Variants in MAML2 observed in about 807,000 individuals in gnomAD.
MAML2 encodes mastermind like transcriptional coactivator 2.
A neutral mutation model predicts 96.1 loss-of-function variants in MAML2; 22 were observed. The ratio of observed to expected loss-of-function variants is 0.23; its 90% confidence interval spans 0.16 to 0.33. The LOEUF is 0.33. Ranked by LOEUF, MAML2 falls within the 10% of genes least tolerant of loss-of-function variation. The pLI is 1.00. For missense variants in MAML2, 1,367 were observed against 1,392.4 expected (o/e 0.98, Z 0.29); for synonymous variants, 561 against 521.3 (o/e 1.08, Z -1.04).
intron 1 of MAML2, among the ~76,000 whole-genome samples, chr11:96,146,885 C>T (rs1860830459): frequency 6.6e-6 from 1 of 152,134 alleles, no homozygotes; most frequent in African/African-American, 2.4e-5. Flanking sequence ...TTTTTTAATG[C>T]AGAAGCTCTG....
intron 1 of MAML2, among the ~76,000 whole-genome samples, chr11:96,135,799 G>T (rs1047884312): frequency 3.3e-5 from 5 of 150,860 alleles, no homozygotes; most frequent in African/African-American, 9.8e-5. Context: ...GGAGGTGGAG[G>T]TTGCAGTGAG....
intron 1 of MAML2, among the ~76,000 whole-genome samples, chr11:96,235,873 A>G (rs1378538838): frequency 1.3e-5 from 2 of 152,238 alleles, no homozygotes; most frequent in Non-Finnish European, 2.9e-5. Context: ...GCTGCGGGTT[A>G]GAGCTGGAGA....
chr11:95,999,950 T>G (rs1858055974), intron 2 of MAML2, among the ~76,000 whole-genome samples: 1 of 152,234 alleles, frequency 6.6e-6, no homozygotes, highest in Admixed American at 6.5e-5. Context: ...ACTGCTCAAC[T>G]GTTCCTCTCG....
intron 1 of MAML2, among the ~76,000 whole-genome samples, chr11:96,305,820 G>A (rs1863454395): frequency 1.3e-5 from 2 of 152,142 alleles, no homozygotes; most frequent in Non-Finnish European, 2.9e-5. Flanking sequence ...TGCAAAATAT[G>A]TCCCTCAGAG....
intron 1 of MAML2, among the ~76,000 whole-genome samples, chr11:96,320,327 T>A (rs1057406959): frequency 6.6e-6 from 1 of 152,168 alleles, no homozygotes; most frequent in Non-Finnish European, 1.5e-5. Flanking sequence ...AGGGAGTCAT[T>A]AGACATGAAA....
At chr11:96,217,962 A>G (rs1253046991) in intron 1 of MAML2, among the ~76,000 whole-genome samples, 1 of 152,230 alleles carries the variant, frequency 6.6e-6, no homozygotes, top group African/African-American at 2.4e-5. Context: ...TTATGTCTAA[A>G]TGTGATTTAA....
rs754651578 is a variant in MAML2 at position 96,092,198 on chromosome 11, C to T, written c.1833G>A (p.Gln611=). The T allele has an allele frequency of 3.0e-5, 46 of 1,525,584 alleles. No individual in the cohort carries two copies. Among genetic ancestry groups the T allele is most frequent in the African/African-American group, 1.3e-4 (9 of 67,022 alleles). The allele number at this position is 1,525,584 out of a possible 1,614,324, so 94.5% of individuals were successfully genotyped here. A position where few individuals can be genotyped will look rare whatever the true frequency, so the allele number is the denominator to read the frequency against. The change falls in exon 2 of 5, where the codon CAG becomes CAA. Residue 611 remains glutamine, a synonymous_variant. Coordinates refer to ENST00000524717, the MANE Select transcript of MAML2 (RefSeq NM_032427.4). This position sits in a 1 kb window ranked among gnomAD's most constrained non-coding sequence, Gnocchi z 4.1. The part of the protein sequence containing the change: ...QQQQQQQQQQ[Q]QQQQQQQQQQ... ...GTTGCTGTTGCTGTTGCTGTTGCTG[C>T]TGCTGCTGCTGTTGCTGCTGCTGCT...
chr11:96,114,846 A>G lies in MAML2; in HGVS notation c.514-21329T>C, dbSNP rs150121285. On this transcript the variant is annotated intron_variant, in intron 1 of 4. Transcript: ENST00000524717. ...ACCTGGAATGTGGAACAGAGCCAAG[A>G]ACTCTGATCCCAATAGGCAAAGAAA... 4.0e-3 allele frequency among the ~76,000 whole-genome samples: 606 copies of G among 152,326 alleles called. 7 individuals are homozygous for G. Among genetic ancestry groups the G allele is most frequent in the African/African-American group, 0.014 (572 of 41,572 alleles).
intron 1 of MAML2, among the ~76,000 whole-genome samples, chr11:96,249,908 G>C (rs1018283196): frequency 1.3e-5 from 2 of 152,096 alleles, no homozygotes; most frequent in African/African-American, 4.8e-5. Context: ...CCAAATCTTC[G>C]TATTGGTCTA....
intron 1 of MAML2, among the ~76,000 whole-genome samples, chr11:96,179,716 G>A (rs11021462): frequency 0.12 from 17,895 of 152,256 alleles, 1,294 homozygotes; most frequent in East Asian, 0.24. Context: ...AGGGACCTGG[G>A]AAGCCACCAA....
intron 1 of MAML2, among the ~76,000 whole-genome samples, chr11:96,326,757 T>G (rs1287343699): frequency 6.8e-6 from 1 of 147,202 alleles, no homozygotes; most frequent in African/African-American, 2.7e-5. Context: ...AGAGCAAAAG[T>G]CTGTCAAAGT....
intron 1 of MAML2, among the ~76,000 whole-genome samples, chr11:96,183,904 G>C (rs1429007994): frequency 6.6e-6 from 1 of 152,050 alleles, no homozygotes; most frequent in Non-Finnish European, 1.5e-5. Flanking sequence ...TAATTGAAAT[G>C]AGCATACCCA....
At chr11:96,330,863 G>C (rs907219935) in intron 1 of MAML2, among the ~76,000 whole-genome samples, 1 of 152,198 alleles carries the variant, frequency 6.6e-6, no homozygotes, top group Non-Finnish European at 1.5e-5. Context: ...TGCAAGTCAC[G>C]AGGCCAATCG....
At position 96,342,822 on chromosome 11, in the gene MAML2, A is replaced by T; in HGVS notation, c.-927T>A. 1 of 319,366 alleles carries T rather than the reference A, an allele frequency of 3.1e-6. No homozygotes were observed. The highest frequency in any genetic ancestry group is 5.7e-6 in the Non-Finnish European group (1 of 176,194). The allele number at this position is 319,366 out of a possible 1,614,324, so 19.8% of individuals were successfully genotyped here. On this transcript the variant is annotated 5_prime_UTR_variant, in exon 1 of 5. Transcript: ENST00000524717. ...TTTTTTCTTTCCCGCTTACGTTTCT[A>T]TTCCTCACCCCCGGCTCTATTCTAA...
At chr11:96,309,172 G>A (rs935171030) in intron 1 of MAML2, among the ~76,000 whole-genome samples, 1 of 152,184 alleles carries the variant, frequency 6.6e-6, no homozygotes, top group Non-Finnish European at 1.5e-5. Flanking sequence ...TACTCCCACT[G>A]AAATGAGTAA....
intron 1 of MAML2, among the ~76,000 whole-genome samples, chr11:96,330,358 T>C (rs1863836337): frequency 6.6e-6 from 1 of 152,220 alleles, no homozygotes; most frequent in Non-Finnish European, 1.5e-5. Flanking sequence ...TATTATCTCA[T>C]TTAATCCCCA....
chr11:96,337,629 G>A (rs978375219), intron 1 of MAML2, among the ~76,000 whole-genome samples: 34 of 152,182 alleles, frequency 2.2e-4, no homozygotes, highest in African/African-American at 3.1e-4. Flanking sequence ...TTAAGTATAC[G>A]GATACGTCAG....
At chr11:96,201,292 G>C (rs1050168521) in intron 1 of MAML2, among the ~76,000 whole-genome samples, 1 of 152,284 alleles carries the variant, frequency 6.6e-6, no homozygotes, top group Middle Eastern at 3.4e-3. Context: ...AGAGTAAGGG[G>C]AGGAGGAAAG....
chr11:95,990,222 A>G (rs1300755296), intron 3 of MAML2, among the ~76,000 whole-genome samples: 1 of 152,060 alleles, frequency 6.6e-6, no homozygotes, highest in Non-Finnish European at 1.5e-5. Flanking sequence ...TACTTTTACT[A>G]TAATGCAAAT....
Sources: gnomAD v4.1 joint callset for allele counts (sites outside exome capture counted in the v4.1 genomes callset) on GRCh38, gnomAD v4.1.1 for gene constraint, Gnocchi (gnomAD v3.1) non-coding constraint, MANE v1.5 for transcripts, NCBI Gene and HGNC (gene_info 2026-07-23, HGNC 2026-07-21) for gene names.